Variants in CENPW observed in about 807,000 individuals in gnomAD.
CENPW encodes the protein cancer-up-regulated gene 2 protein.
In CENPW, 3 loss-of-function variants were observed where a neutral mutation model predicts 11.1. The observed-to-expected ratio is 0.27, with a 90% CI of 0.12 to 0.70. The LOEUF (loss-of-function observed/expected upper bound fraction) is 0.70, where lower values mean the gene tolerates loss of function less well. Ranked by LOEUF, CENPW falls within the 30% of genes least tolerant of loss-of-function variation. The pLI is 0.77. For missense variants in CENPW, 100 were observed against 105.6 expected (o/e 0.95, Z 0.23); for synonymous variants, 38 against 42.0 (o/e 0.91, Z 0.37).
the CENPW span, among the ~76,000 whole-genome samples, chr6:126,355,080 T>C: frequency 1.3e-5 from 2 of 152,160 alleles, no homozygotes; most frequent in Non-Finnish European, 1.5e-5. Flanking sequence ...GTTAAATTAT[T>C]TACTTTAAAA....
At chr6:126,430,443 C>A in the CENPW span, among the ~76,000 whole-genome samples, 1 of 152,154 alleles carries the variant, frequency 6.6e-6, no homozygotes, top group East Asian at 1.9e-4. Flanking sequence ...TATATACCAG[C>A]ATAATTTAAA....
chr6:126,358,323 T>C, the CENPW span, among the ~76,000 whole-genome samples: 1 of 152,204 alleles, frequency 6.6e-6, no homozygotes, highest in Admixed American at 6.5e-5. Context: ...GCCTATTCAG[T>C]ATGATGTTGG....
the CENPW span, among the ~76,000 whole-genome samples, chr6:126,463,151 T>C: frequency 5.9e-5 from 9 of 152,158 alleles, no homozygotes; most frequent in East Asian, 1.7e-3. Context: ...TTAAATTACA[T>C]GATCTTTGAA....
chr6:126,398,989 C>A, the CENPW span, among the ~76,000 whole-genome samples: 1 of 151,804 alleles, frequency 6.6e-6, no homozygotes, highest in South Asian at 2.1e-4. Context: ...AACATGATTT[C>A]ATTTATTTTT....
At chr6:126,393,637 A>G in the CENPW span, among the ~76,000 whole-genome samples, 1 of 151,324 alleles carries the variant, frequency 6.6e-6, no homozygotes, top group African/African-American at 2.4e-5. Flanking sequence ...GTGGACAGAG[A>G]AGATGCTTGA....
At chr6:126,422,839 A>G in the CENPW span, among the ~76,000 whole-genome samples, 3 of 152,060 alleles carry the variant, frequency 2.0e-5, no homozygotes, top group African/African-American at 7.2e-5. Flanking sequence ...TAAGTTAGGT[A>G]CTTAACAACA....
At chr6:126,439,671 G>A in the CENPW span, among the ~76,000 whole-genome samples, 373 of 151,644 alleles carry the variant, frequency 2.5e-3, no homozygotes, top group Non-Finnish European at 4.1e-3. Flanking sequence ...ACTTGAAGAC[G>A]GCTGTAGTTT....
chr6:126,443,752 A>T, the CENPW span, among the ~76,000 whole-genome samples: 62 of 151,266 alleles, frequency 4.1e-4, no homozygotes, highest in African/African-American at 1.5e-3. Flanking sequence ...TTCTATAGGT[A>T]AATAAGAATT....
At chr6:126,407,751 G>A in the CENPW span, among the ~76,000 whole-genome samples, 12 of 152,020 alleles carry the variant, frequency 7.9e-5, no homozygotes, top group African/African-American at 1.2e-4. Context: ...GTCTGTTCAC[G>A]TCCTTTGCCC....
At chr6:126,419,805 A>G in the CENPW span, among the ~76,000 whole-genome samples, 8 of 152,024 alleles carry the variant, frequency 5.3e-5, no homozygotes, top group African/African-American at 1.9e-4. Flanking sequence ...TCATCATCAT[A>G]TGTTTTCTCC....
chr6:126,397,789 C>G, the CENPW span, among the ~76,000 whole-genome samples: 1 of 152,190 alleles, frequency 6.6e-6, no homozygotes, highest in East Asian at 1.9e-4. Context: ...TACTTTCACT[C>G]TAACTCTAAA....
the CENPW span, among the ~76,000 whole-genome samples, chr6:126,476,617 C>A: frequency 1.3e-5 from 2 of 151,850 alleles, no homozygotes; most frequent in Non-Finnish European, 2.9e-5. Flanking sequence ...TCCCAAAGAC[C>A]TTGTAATTCT....
At chr6:126,470,295 C>T in the CENPW span, among the ~76,000 whole-genome samples, 20 of 152,346 alleles carry the variant, frequency 1.3e-4, no homozygotes, top group Admixed American at 6.5e-4. Flanking sequence ...GGCAAATGTA[C>T]ATCTCAGGCC....
intron 1 of CENPW, among the ~76,000 whole-genome samples, chr6:126,342,695 C>T (rs184024208): frequency 2.0e-5 from 3 of 152,194 alleles, no homozygotes; most frequent in Admixed American, 1.3e-4. Flanking sequence ...TCTTCTTCTC[C>T]ATCATCTATT....
chr6:126,402,479 T>C, the CENPW span, among the ~76,000 whole-genome samples: 2 of 151,954 alleles, frequency 1.3e-5, no homozygotes, highest in African/African-American at 4.8e-5. Flanking sequence ...AATAAACCCC[T>C]TACCCATTAG....
the CENPW span, among the ~76,000 whole-genome samples, chr6:126,470,015 A>C: frequency 6.6e-6 from 1 of 152,234 alleles, no homozygotes; most frequent in Non-Finnish European, 1.5e-5. Flanking sequence ...ACCATGAGGT[A>C]GAAAAGAAAA....
the CENPW span, among the ~76,000 whole-genome samples, chr6:126,366,317 T>C: frequency 6.6e-6 from 1 of 152,284 alleles, no homozygotes. Flanking sequence ...CTAAACTGTT[T>C]AGTGAAATAG....
At chr6:126,366,524 G>T in the CENPW span, among the ~76,000 whole-genome samples, 1 of 152,094 alleles carries the variant, frequency 6.6e-6, no homozygotes, top group Non-Finnish European at 1.5e-5. Context: ...AACCATACTT[G>T]TATACGTACC....
chr6:126,415,111 T>A, the CENPW span, among the ~76,000 whole-genome samples: 2 of 152,068 alleles, frequency 1.3e-5, no homozygotes, highest in Non-Finnish European at 2.9e-5. Flanking sequence ...AATCTCCCAC[T>A]TCAGTGTGCA....
Sources: allele counts gnomAD v4.1 joint callset (sites outside exome capture counted in the v4.1 genomes callset), GRCh38; gene constraint gnomAD v4.1.1; transcripts MANE v1.5; gene names NCBI Gene and HGNC (gene_info 2026-07-23, HGNC 2026-07-21).